Variants in C20orf203 observed in about 807,000 individuals in gnomAD.
C20orf203 encodes uncharacterized protein C20orf203.
Under a neutral mutation model 15.9 loss-of-function variants are expected in C20orf203, and 16 were observed. The observed-to-expected ratio is 1.01, with a 90% confidence interval of 0.68 to 1.53. C20orf203 has a LOEUF of 1.53. C20orf203 is among the 40% of genes most tolerant of loss of function. C20orf203 has a pLI of 0.00. For missense variants in C20orf203, 263 were observed against 247.5 expected (o/e 1.06, Z -0.42); for synonymous variants, 98 against 97.2 (o/e 1.01, Z -0.05).
intron 4 of C20orf203, among the ~76,000 whole-genome samples, chr20:32,643,020 CCCTGTACTCAGAG>C (rs1353001047): frequency 6.6e-6 from 1 of 152,184 alleles, no homozygotes; most frequent in Non-Finnish European, 1.5e-5. Flanking sequence ...CATCCCCAGA[CCCTGTACTCAGAG>C]CCTGTCCCCT....
At chr20:32,641,397 G>A (rs949093764) in intron 4 of C20orf203, among the ~76,000 whole-genome samples, 5 of 151,050 alleles carry the variant, frequency 3.3e-5, no homozygotes, top group Non-Finnish European at 4.4e-5. Context: ...CTGTTTTCAC[G>A]TTTTGGCTGT....
intron 1 of C20orf203, among the ~76,000 whole-genome samples, chr20:32,671,700 G>A (rs545171302): frequency 2.0e-5 from 3 of 151,910 alleles, no homozygotes; most frequent in Non-Finnish European, 2.9e-5. Context: ...TTAGCCGGGC[G>A]TGGTGGCGCA....
intron 1 of C20orf203, among the ~76,000 whole-genome samples, chr20:32,666,823 A>ATATATATATATATATATATG (rs1568756061): frequency 9.4e-5 from 10 of 106,814 alleles, no homozygotes; most frequent in Admixed American, 1.8e-4. Context: ...ATATATATAT[A>ATATATATATATATATATATG]TAGTTTTGTT....
chr20:32,659,958 G>A (rs1275689595), intron 1 of C20orf203, among the ~76,000 whole-genome samples: 1 of 152,204 alleles, frequency 6.6e-6, no homozygotes, highest in Non-Finnish European at 1.5e-5. Flanking sequence ...CATCAACACA[G>A]TTGTGTTGTA....
chr20:32,667,366 G>A (rs1159418868), intron 1 of C20orf203, among the ~76,000 whole-genome samples: 1 of 152,226 alleles, frequency 6.6e-6, no homozygotes, highest in Non-Finnish European at 1.5e-5. Flanking sequence ...GCCCAGGTGG[G>A]CTGAAGGTGG....
At position 32,650,235 on chromosome 20, in the gene C20orf203, T is replaced by A; in HGVS notation, c.*197A>T. 1 of 584,970 alleles carries A rather than the reference T, an allele frequency of 1.7e-6. No homozygotes were observed. Among genetic ancestry groups the A allele is most frequent in the South Asian group, 2.1e-5 (1 of 47,772 alleles). The allele number at this position is 584,970 out of a possible 1,614,324, so 36.2% of individuals were successfully genotyped here. On this transcript the variant is annotated 3_prime_UTR_variant, in exon 4 of 6. Transcript: ENST00000608990. ...AGCCTGGCACAGCCTCGGTCCCTAA[T>A]CATGTTTGCTGAATGCCTTGAATAC...
chr20:32,659,676 C>T (rs1982844983), intron 1 of C20orf203, among the ~76,000 whole-genome samples: 1 of 152,176 alleles, frequency 6.6e-6, no homozygotes, highest in Non-Finnish European at 1.5e-5. Context: ...TCCCTCATTT[C>T]CCAGATGAGG....
intron 4 of C20orf203, among the ~76,000 whole-genome samples, chr20:32,646,556 A>G (rs1052529040): frequency 3.9e-5 from 6 of 152,114 alleles, no homozygotes; most frequent in African/African-American, 1.4e-4. Context: ...GGTGGTGTCT[A>G]GAAGGCCCAC....
intron 1 of C20orf203, among the ~76,000 whole-genome samples, chr20:32,658,350 T>G (rs543812723): frequency 3.7e-4 from 56 of 152,332 alleles, no homozygotes; most frequent in African/African-American, 1.3e-3. Context: ...TCACCCAGGC[T>G]GGAGTGCAGT....
At chr20:32,642,107 C>G (rs2145663675) in intron 4 of C20orf203, among the ~76,000 whole-genome samples, 1 of 152,316 alleles carries the variant, frequency 6.6e-6, no homozygotes, top group African/African-American at 2.4e-5. Context: ...TCCCAAAGTG[C>G]TGGGATTACA....
chr20:32,658,647 G>A (rs1280965375), intron 1 of C20orf203, among the ~76,000 whole-genome samples: 1 of 152,116 alleles, frequency 6.6e-6, no homozygotes, highest in East Asian at 1.9e-4. Context: ...TTACTGCAAT[G>A]GATAATAATC....
At position 32,647,872 on chromosome 20, in the gene C20orf203, G is replaced by A. The variant is rs527734097; in HGVS notation, c.*1177+1383C>T. 2.3e-4 allele frequency among the ~76,000 whole-genome samples: 35 copies of A among 152,234 alleles called. No individual in the cohort carries two copies. In the South Asian group the frequency reaches 7.0e-3, roughly 31 times the overall value. ...CTCCTTCCCCAGCCTCACCACCCAC[G>A]GCAGGGGGCGTCGCCTTCCCCCACC... On this transcript the variant is annotated intron_variant, in intron 4 of 5. Transcript: ENST00000608990.
At chr20:32,636,870 C>A (rs965887605) in intron 5 of C20orf203, among the ~76,000 whole-genome samples, 2 of 152,206 alleles carry the variant, frequency 1.3e-5, no homozygotes, top group African/African-American at 4.8e-5. Context: ...CAATGAAAGT[C>A]CAGTGTCCTG....
intron 1 of C20orf203, among the ~76,000 whole-genome samples, chr20:32,658,792 A>G (rs185045064): frequency 1.3e-4 from 20 of 152,118 alleles, no homozygotes; most frequent in Non-Finnish European, 2.1e-4. Context: ...GGAGAAGACC[A>G]AGGCTCAGCG....
intron 4 of C20orf203, among the ~76,000 whole-genome samples, chr20:32,648,029 T>C (rs1303601560): frequency 6.6e-6 from 1 of 152,222 alleles, no homozygotes; most frequent in Admixed American, 6.5e-5. Context: ...GCAGGCTTTC[T>C]TCCTCCATCC....
At chr20:32,638,690 C>A (rs1236749743) in intron 5 of C20orf203, among the ~76,000 whole-genome samples, 1 of 152,230 alleles carries the variant, frequency 6.6e-6, no homozygotes. Flanking sequence ...GAGATGGAGG[C>A]CAACTTCTCA....
intron 1 of C20orf203, among the ~76,000 whole-genome samples, chr20:32,668,988 A>G (rs1983100033): frequency 6.6e-6 from 1 of 151,730 alleles, no homozygotes. Context: ...ACTCATCTCT[A>G]CAAAATCGAA....
intron 1 of C20orf203, among the ~76,000 whole-genome samples, chr20:32,672,074 C>T (rs6087969): frequency 0.13 from 19,206 of 151,794 alleles, 1,536 homozygotes; most frequent in East Asian, 0.29. Context: ...CCCAGCACTC[C>T]GGGAGGCCAA....
chr20:32,670,536 CAAAT>C (rs1010299373), intron 1 of C20orf203, among the ~76,000 whole-genome samples: 12 of 151,016 alleles, frequency 7.9e-5, no homozygotes, highest in African/African-American at 2.9e-4. Flanking sequence ...AAAAAATAAA[CAAAT>C]AAATAAAAAT....
Sources: gnomAD v4.1 joint callset for allele counts (sites outside exome capture counted in the v4.1 genomes callset) on GRCh38, gnomAD v4.1.1 for gene constraint, MANE v1.5 for transcripts, NCBI Gene and HGNC (gene_info 2026-07-23, HGNC 2026-07-21) for gene names.